PPL: variants seen among roughly 807,000 people sequenced by gnomAD.
PPL encodes the protein 190 kDa paraneoplastic pemphigus antigen.
Under a neutral mutation model 194.4 loss-of-function variants are expected in PPL, and 198 were observed. That is an observed-to-expected ratio of 1.02 (90% confidence interval 0.91 to 1.15). The LOEUF is 1.15. Ranked by LOEUF, PPL falls within the 50% of genes most tolerant of loss-of-function variation. The pLI is 0.00. For missense variants in PPL, 2,885 were observed against 2,294.8 expected (o/e 1.26, Z -5.25); for synonymous variants, 1,220 against 972.4 (o/e 1.25, Z -4.74).
chr16:4,903,429 C>T lies in PPL; in HGVS notation c.317+457G>A, dbSNP rs115311160. On this transcript the variant is annotated intron_variant, in intron 3 of 21. Transcript: ENST00000345988. ...CAAGAGGATCATGTGAGGCTGGGCG[C>T]GGTGGCTCACATGTGTAATCCCAGC... Among the ~76,000 whole-genome samples the T allele has an allele frequency of 3.8e-3, 571 of 152,228 alleles. 2 individuals are homozygous for T. The highest frequency in any genetic ancestry group is 4.3e-3 in the African/African-American group (177 of 41,548).
In PPL at chr16:4,884,872, C is replaced by T. The variant is rs982525297; in HGVS notation, c.3783G>A (p.Leu1261=). 6.2e-7 allele frequency: 1 copy of T among 1,614,010 alleles called. No homozygotes were observed. Among genetic ancestry groups the T allele is most frequent in the Non-Finnish European group, 8.5e-7 (1 of 1,180,028 alleles). The stretch of plus-strand genomic sequence containing the variant: ...AGATCTCTAAATCACACCTTTCGAT[C>T]AGTCTGGTCTTGTCCACGATCTCCT... ...LREEIVDKTR[L]IERCDLEIYQ... The change falls in exon 22 of 22, where the codon CTG becomes CTA. Residue 1261 remains leucine (L), a synonymous_variant. Coordinates refer to ENST00000345988, the MANE Select transcript of PPL (RefSeq NM_002705.5). This position sits in a 1 kb window ranked among gnomAD's most constrained non-coding sequence, Gnocchi z 5.7.
In PPL at chr16:4,903,980, C is replaced by T. The variant is rs895366122; in HGVS notation, c.223G>A (p.Val75Met). 1.2e-6 allele frequency: 2 copies of T among 1,613,862 alleles called. No individual in the cohort carries two copies. The highest frequency in any genetic ancestry group is 1.7e-6 in the Non-Finnish European group (2 of 1,180,040). ...TAGAGCAGCTTCTCAGAGTCCAACA[C>T]CTTCTGCAGGGTCACGTCCCGGTGC... ...PEHRDVTLQK[V>M]LDSEKLLYVL... is the part of the protein sequence containing the mutation. The change falls in exon 3 of 22, where the codon GTG becomes ATG. Residue 75 changes from valine (V) to methionine (M), a missense_variant. By Grantham distance (21) the Val-to-Met change is conservative. Transcript: ENST00000345988.
chr16:4,890,481 A>G, intron 17 of PPL, 147 bp from the exon 18 acceptor site: 1 of 1,161,560 alleles, frequency 8.6e-7, no homozygotes, highest in Non-Finnish European at 1.2e-6. Flanking sequence ...GTCATTAGGG[A>G]ACGTCAGGTT....
chr16:4,912,187 A>G (rs76155833), intron 1 of PPL, among the ~76,000 whole-genome samples: 2,105 of 152,172 alleles, frequency 0.014, 49 homozygotes, highest in African/African-American at 0.049. Flanking sequence ...AAAGCTCCAC[A>G]CCCACAAGCT....
At chr16:4,895,467 A>T (rs1378213043) in intron 10 of PPL, 60 bp from the exon 11 acceptor site, 3 of 1,605,594 alleles carry the variant, frequency 1.9e-6, no homozygotes, top group Non-Finnish European at 2.6e-6. Context: ...TGGTGGGAGG[A>T]CGCAGAGCAG....
In PPL at chr16:4,890,864, A is replaced by G. The variant is rs1343056277; in HGVS notation, c.2026T>C (p.Leu676=). Residue 676 remains leucine (L), a synonymous_variant, in exon 17 of 22, where the codon TTG becomes CTG. Transcript: ENST00000345988. ...CTCGAGCACTGCTTGGCCGCCTGCA[A>G]GTTCTGCTCCACCTCACCCAGGAGG... ...KSLLGEVEQN[L]QAAKQCSSTL... is the part of the protein sequence containing the mutation. The G allele has an allele frequency of 3.2e-6, 5 of 1,552,918 alleles. No homozygotes were observed. Among genetic ancestry groups the G allele is most frequent in the Non-Finnish European group, 4.4e-6 (5 of 1,146,850 alleles).
intron 6 of PPL, among the ~76,000 whole-genome samples, chr16:4,899,614 A>G (rs945919086): frequency 6.6e-6 from 1 of 152,170 alleles, no homozygotes; most frequent in Non-Finnish European, 1.5e-5. Flanking sequence ...GTAAATGTTT[A>G]CTGAGCATCT....
rs541657211 is a variant in PPL at position 4,895,695 on chromosome 16, C to T, written c.994G>A (p.Ala332Thr). The change falls in exon 10 of 22, where the codon GCT (alanine) becomes ACT (threonine). Residue 332 changes from alanine (A) to threonine (T), a missense_variant. Coordinates refer to ENST00000345988, the MANE Select transcript of PPL (RefSeq NM_002705.5). Reference protein sequence around the residue: ...YHQFHEDVKDAQELLRKVDSD... With the variant: ...YHQFHEDVKDTQELLRKVDSD... ...TCCACCTTGCGCAGCAGCTCCTGAG[C>T]GTCCTTCACGTCTTCGTGAAACTAG... 9 of 1,613,940 alleles carry T rather than the reference C, an allele frequency of 5.6e-6. No individual in the cohort carries two copies. Among genetic ancestry groups the T allele is most frequent in the African/African-American group, 5.3e-5 (4 of 75,054 alleles).
chr16:4,888,556 C>T (rs2088255982), intron 19 of PPL, among the ~76,000 whole-genome samples: 1 of 152,152 alleles, frequency 6.6e-6, no homozygotes, highest in African/African-American at 2.4e-5. Flanking sequence ...TTGCCACCAC[C>T]TCTTCTCATG....
chr16:4,915,904 G>A (rs2088907303), intron 1 of PPL, among the ~76,000 whole-genome samples: 1 of 152,142 alleles, frequency 6.6e-6, no homozygotes, highest in African/African-American at 2.4e-5. Context: ...AGGACTCTAG[G>A]CCCTTAACAA....
chr16:4,887,202 G>C lies in PPL; in HGVS notation c.2540C>G (p.Thr847Ser), dbSNP rs756861397. 1.2e-6 allele frequency: 2 copies of C among 1,614,000 alleles called. No homozygotes were observed. The highest frequency in any genetic ancestry group is 1.7e-6 in the Non-Finnish European group (2 of 1,179,988). ...EEEAALAAKF[T>S]EVYAINRQRL... is the part of the protein sequence containing the mutation. ...CTGTCTGTTGATGGCATAAACTTCA[G>C]TGAACTTGGCGGCAAGTGCTGCTTC... Residue 847 changes from threonine (T) to serine (S), a missense_variant, in exon 21 of 22, where the codon ACT becomes AGT. Coordinates refer to ENST00000345988, the MANE Select transcript of PPL (RefSeq NM_002705.5).
At position 4,893,253 on chromosome 16, in the gene PPL, C is replaced by A. The variant is rs752935554; in HGVS notation, c.1610G>T (p.Arg537Leu). 6.3e-7 allele frequency: 1 copy of A among 1,592,636 alleles called. No individual in the cohort carries two copies. Among genetic ancestry groups the A allele is most frequent in the Admixed American group, 1.7e-5 (1 of 58,192 alleles). Residue 537 changes from arginine (R) to leucine (L), a missense_variant, in exon 14 of 22, where the codon CGG becomes CTG. Physicochemically the swap from Arg to Leu is moderately radical, Grantham distance 102. Transcript: ENST00000345988. ...CCGCTCGGCACTGTCCTGCACAGCC[C>A]GGCCTTGCTCCAGTGGTGGCCGCAG... The part of the protein sequence containing the change: ...GILRPPLEQG[R>L]AVQDSAERAK...
In PPL at chr16:4,883,419, G is replaced by A; in HGVS notation, c.5236C>T (p.Gln1746Ter). Residue 1746 changes from glutamine to a stop codon, truncating the protein, a stop_gained, in exon 22 of 22, where the codon CAG becomes TAG. Transcript: ENST00000345988. LOFTEE classifies it high-confidence loss of function. This position sits in a 1 kb window ranked among gnomAD's most constrained non-coding sequence, Gnocchi z 4.8. ...DRYVNKDMSI[Q>*]ELAVLVSGQK The stretch of plus-strand genomic sequence containing the variant: ...CCAGATACCAAGACCGCCAGCTCCT[G>A]GATGGACATATCCTTGTTGACATAG... 1 of 1,614,152 alleles carries A rather than the reference G, an allele frequency of 6.2e-7. No individual in the cohort carries two copies. The highest frequency in any genetic ancestry group is 8.5e-7 in the Non-Finnish European group (1 of 1,180,032).
rs1256535913 is a variant in PPL at position 4,903,978 on chromosome 16, C to T, written c.225G>A (p.Val75=). The T allele has an allele frequency of 6.2e-7, 1 of 1,613,888 alleles. No individual in the cohort carries two copies. Among genetic ancestry groups the T allele is most frequent in the Non-Finnish European group, 8.5e-7 (1 of 1,180,044 alleles). The change falls in exon 3 of 22, where the codon GTG becomes GTA. Residue 75 remains valine, a synonymous_variant. Transcript: ENST00000345988. ...PEHRDVTLQK[V]LDSEKLLYVL... Reference sequence around the variant, plus strand: ...CATAGAGCAGCTTCTCAGAGTCCAACACCTTCTGCAGGGTCACGTCCCGGT... The same window carrying T: ...CATAGAGCAGCTTCTCAGAGTCCAATACCTTCTGCAGGGTCACGTCCCGGT...
Position 4,897,761 on chromosome 16 carries a change from C to G in PPL, c.886G>C (p.Glu296Gln), listed in dbSNP as rs759039516. ...TCCTTCCAGTCTGCGTGCACAGCCT[C>G]CATGTGCGCCTGCCAGGAAGAGAAG... is the stretch of plus-strand genomic sequence containing the variant. Reference protein sequence around the residue: ...PGRNSIEAHMEAVHADWKEYL... With the variant: ...PGRNSIEAHMQAVHADWKEYL... The change falls in exon 9 of 22, where the codon GAG becomes CAG. Residue 296 changes from glutamate to glutamine, a missense_variant. Transcript: ENST00000345988. The G allele has an allele frequency of 8.7e-6, 14 of 1,613,356 alleles. 1 individual carries two copies. The highest frequency in any genetic ancestry group is 1.7e-4 in the Middle Eastern group (1 of 5,906).
chr16:4,908,148 TGA>T (rs2088737292), intron 2 of PPL, among the ~76,000 whole-genome samples: 1 of 118,124 alleles, frequency 8.5e-6, no homozygotes. Flanking sequence ...GACAACAGAG[TGA>T]GAGACTGTCT....
At chr16:4,920,345 G>GAAAGAAAGAA (rs1555523880) in intron 1 of PPL, among the ~76,000 whole-genome samples, 1 of 25,078 alleles carries the variant, frequency 4.0e-5, no homozygotes, top group Non-Finnish European at 1.7e-4. Context: ...GAGAGAGAGA[G>GAAAGAAAGAA]AGAAAGAAAG....
At chr16:4,905,160 G>A (rs761828183) in intron 2 of PPL, among the ~76,000 whole-genome samples, 4 of 152,130 alleles carry the variant, frequency 2.6e-5, no homozygotes, top group Non-Finnish European at 5.9e-5. Context: ...AGAGCCGGCC[G>A]CCGGTCCCTT....
At position 4,883,183 on chromosome 16, in the gene PPL, A is replaced by G; in HGVS notation, c.*201T>C. The G allele has an allele frequency of 1.6e-6, 1 of 638,814 alleles. No individual in the cohort carries two copies. The highest frequency in any genetic ancestry group is 2.7e-6 in the Non-Finnish European group (1 of 374,416). 39.6% of individuals were successfully genotyped at this position (638,814 alleles called of 1,614,324 possible). On this transcript the variant is annotated 3_prime_UTR_variant, in exon 22 of 22. Transcript: ENST00000345988. The surrounding 1 kb of genome is among the most constrained non-coding windows in gnomAD (Gnocchi z 4.8). ...AGGATGAAGTACGTCACTCAGGGTGAATGATGGTTGGGACGAGAGTTGCCT... is the reference window on the plus strand; with the variant it reads ...AGGATGAAGTACGTCACTCAGGGTGGATGATGGTTGGGACGAGAGTTGCCT...
Sources: allele counts gnomAD v4.1 joint callset (sites outside exome capture counted in the v4.1 genomes callset), GRCh38; gene constraint gnomAD v4.1.1; non-coding constraint Gnocchi (gnomAD v3.1); transcripts MANE v1.5; gene names NCBI Gene and HGNC (gene_info 2026-07-23, HGNC 2026-07-21).